Variants in CCSER1 observed in about 807,000 individuals in gnomAD.
The protein encoded by CCSER1 is coiled-coil serine rich protein 1.
In CCSER1, 41 loss-of-function variants were observed where a neutral mutation model predicts 82.0. The ratio of observed to expected loss-of-function variants is 0.50; its 90% CI spans 0.39 to 0.65. The LOEUF (loss-of-function observed/expected upper bound fraction) is 0.65, where lower values mean the gene tolerates loss of function less well. Among genes scored for constraint, CCSER1 ranks in the 30% least tolerant of loss-of-function variants. The pLI, the probability that CCSER1 is intolerant of heterozygous loss-of-function variation, is 0.00. For synonymous variants in CCSER1, 414 were observed against 383.9 expected (o/e 1.08, Z -0.92); for missense variants, 1,119 against 1,064.2 (o/e 1.05, Z -0.72).
chr4:90,565,292 T>C (rs1779230641), intron 5 of CCSER1, among the ~76,000 whole-genome samples: 1 of 108,040 alleles, frequency 9.3e-6, no homozygotes, highest in South Asian at 2.5e-4. Context: ...AATGAGATTG[T>C]TTTCTTATTT....
At chr4:90,329,192 G>A (rs1050488387) in intron 3 of CCSER1, among the ~76,000 whole-genome samples, 1 of 152,108 alleles carries the variant, frequency 6.6e-6, no homozygotes, top group African/African-American at 2.4e-5. Flanking sequence ...TCAGTTAGAT[G>A]TGATTTTATT....
intron 8 of CCSER1, among the ~76,000 whole-genome samples, chr4:90,841,596 A>AAAAG (rs1762582495): frequency 6.6e-6 from 1 of 151,336 alleles, no homozygotes; most frequent in African/African-American, 2.4e-5. Context: ...AAAAAAAAAA[A>AAAAG]AAGAAGAAGA....
At chr4:91,380,655 G>A (rs1750814645) in intron 10 of CCSER1, among the ~76,000 whole-genome samples, 1 of 152,082 alleles carries the variant, frequency 6.6e-6, no homozygotes, top group Admixed American at 6.5e-5. Flanking sequence ...CATGTGAGAT[G>A]GATCTCCTGA....
chr4:91,095,108 C>T (rs138637448), intron 10 of CCSER1, among the ~76,000 whole-genome samples: 322 of 152,208 alleles, frequency 2.1e-3, no homozygotes, highest in Admixed American at 4.3e-3. Context: ...CAGTATCAAC[C>T]GAAAACTTAA....
chr4:91,586,356 G>A (rs1763992789), intron 10 of CCSER1, among the ~76,000 whole-genome samples: 1 of 151,656 alleles, frequency 6.6e-6, no homozygotes, highest in South Asian at 2.1e-4. Context: ...AAAGTTATGT[G>A]AATGGATGAG....
chr4:90,297,386 AT>A (rs1284128994), intron 1 of CCSER1, among the ~76,000 whole-genome samples: 1 of 151,690 alleles, frequency 6.6e-6, no homozygotes, highest in Non-Finnish European at 1.5e-5. Context: ...GCTTAAGGAG[AT>A]TTTGGGCTGA....
chr4:90,139,038 CT>C (rs1329939732), intron 1 of CCSER1, among the ~76,000 whole-genome samples: 1 of 151,480 alleles, frequency 6.6e-6, no homozygotes, highest in Non-Finnish European at 1.5e-5. Flanking sequence ...AGTTGGTAGA[CT>C]TTTTTTTTGT....
intron 9 of CCSER1, among the ~76,000 whole-genome samples, chr4:91,040,309 A>G (rs1741851423): frequency 6.6e-6 from 1 of 152,202 alleles, no homozygotes; most frequent in Non-Finnish European, 1.5e-5. Flanking sequence ...GAAATAATTC[A>G]TAAAAGAAAC....
intron 3 of CCSER1, among the ~76,000 whole-genome samples, chr4:90,336,188 C>T (rs1414579951): frequency 6.6e-6 from 1 of 152,074 alleles, no homozygotes; most frequent in East Asian, 1.9e-4. Flanking sequence ...GCAGAAATTT[C>T]CACAGAATGA....
intron 10 of CCSER1, among the ~76,000 whole-genome samples, chr4:91,557,019 T>C (rs1762437584): frequency 6.6e-6 from 1 of 151,128 alleles, no homozygotes; most frequent in South Asian, 2.1e-4. Context: ...CTCTATTAAA[T>C]GGCAAGAAAA....
intron 5 of CCSER1, among the ~76,000 whole-genome samples, chr4:90,480,414 T>G (rs1041071045): frequency 1.3e-5 from 2 of 152,180 alleles, no homozygotes; most frequent in Admixed American, 6.5e-5. Flanking sequence ...GGCTTTTGTT[T>G]CCATTGCTTT....
In CCSER1 at chr4:91,602,300, A is replaced by C. The variant is rs1023196820; in HGVS notation, c.*3243A>C. 1.3e-5 allele frequency among the ~76,000 whole-genome samples: 2 copies of C among 152,024 alleles called. No homozygotes were observed. The highest frequency in any genetic ancestry group is 4.8e-5 in the African/African-American group (2 of 41,430). On this transcript the variant is annotated 3_prime_UTR_variant, in exon 11 of 11. Coordinates refer to ENST00000509176, the MANE Select transcript of CCSER1 (RefSeq NM_001145065.2). The stretch of plus-strand genomic sequence containing the variant: ...TGAATGTTGAACTCCCATTATAGGA[A>C]ATTCCACATTTTGTTTTGTTTTCTT...
At chr4:91,472,877 C>A (rs1461805468) in intron 10 of CCSER1, among the ~76,000 whole-genome samples, 2 of 152,154 alleles carry the variant, frequency 1.3e-5, no homozygotes, top group African/African-American at 4.8e-5. Flanking sequence ...CCTCTTTATC[C>A]ATCATCATAA....
chr4:90,630,149 A>G (rs116355701), intron 6 of CCSER1, among the ~76,000 whole-genome samples: 1,951 of 152,242 alleles, frequency 0.013, 47 homozygotes, highest in African/African-American at 0.045. Context: ...TTCTATACTG[A>G]CAACATAAAT....
chr4:91,180,094 G>T (rs1733850687), intron 10 of CCSER1, among the ~76,000 whole-genome samples: 1 of 152,194 alleles, frequency 6.6e-6, no homozygotes, highest in Non-Finnish European at 1.5e-5. Context: ...CTCTTTGCCT[G>T]GGTATCACCA....
intron 10 of CCSER1, among the ~76,000 whole-genome samples, chr4:91,441,553 A>T (rs1193834162): frequency 2.6e-5 from 4 of 152,176 alleles, no homozygotes; most frequent in Non-Finnish European, 5.9e-5. Flanking sequence ...CCCTTTGAAA[A>T]CTGGCACAAG....
At chr4:91,549,039 CTGTT>C (rs529010683) in intron 10 of CCSER1, among the ~76,000 whole-genome samples, 44 of 151,922 alleles carry the variant, frequency 2.9e-4, no homozygotes, top group African/African-American at 8.9e-4. Flanking sequence ...ACATTCTTTT[CTGTT>C]TGTTTGTTTT....
chr4:90,420,726 A>G (rs1270161383), intron 4 of CCSER1, among the ~76,000 whole-genome samples: 1 of 152,124 alleles, frequency 6.6e-6, no homozygotes, highest in African/African-American at 2.4e-5. Context: ...CAACAATTTT[A>G]ATGAAGTCAT....
intron 10 of CCSER1, among the ~76,000 whole-genome samples, chr4:91,154,283 G>T (rs563590285): frequency 6.6e-6 from 1 of 152,148 alleles, no homozygotes; most frequent in East Asian, 1.9e-4. Flanking sequence ...AGTGAGCAAG[G>T]CTCCATGGGT....
Sources: gnomAD v4.1 joint callset for allele counts (sites outside exome capture counted in the v4.1 genomes callset) on GRCh38, gnomAD v4.1.1 for gene constraint, MANE v1.5 for transcripts, NCBI Gene and HGNC (gene_info 2026-07-23, HGNC 2026-07-21) for gene names.